The following BPIFB1 variants were observed in gnomAD, a reference collection of about 807,000 sequenced individuals.
BPIFB1 encodes the protein BPI fold-containing family B member 1.
A neutral mutation model predicts 55.1 loss-of-function variants in BPIFB1; 34 were observed. The ratio of observed to expected loss-of-function variants is 0.62; its 90% CI spans 0.47 to 0.82. The LOEUF (loss-of-function observed/expected upper bound fraction) is 0.82, where lower values mean the gene tolerates loss of function less well. BPIFB1 is among the 40% of genes least tolerant of loss of function. The pLI is 0.00. For synonymous variants in BPIFB1, 236 were observed against 245.3 expected (o/e 0.96, Z 0.35); for missense variants, 532 against 593.1 (o/e 0.90, Z 1.07).
chr20:33,303,139 C>G, intron 11 of BPIFB1, 65 bp downstream of exon 11: 1 of 1,580,984 alleles, frequency 6.3e-7, no homozygotes, highest in Non-Finnish European at 8.7e-7. Flanking sequence ...TTTTCCTGTT[C>G]GCCCTCTTGC....
Position 33,286,016 on chromosome 20 carries a change from C to T in BPIFB1, c.-41-17C>T, listed in dbSNP as rs952935950. 34 of 1,556,606 alleles carry T rather than the reference C, an allele frequency of 2.2e-5. No individual in the cohort carries two copies. In the African/African-American group the frequency reaches 3.9e-4, roughly 18 times the overall value. The stretch of plus-strand genomic sequence containing the variant: ...CCCTTGGCCCCTCTGCCTCAGGTCC[C>T]TCTGTGCTCACCCCAGGTCTGGCAT... On this transcript the variant is annotated splice_polypyrimidine_tract_variant and intron_variant, in intron 1 of 15. Coordinates refer to ENST00000253354, the MANE Select transcript of BPIFB1 (RefSeq NM_033197.3).
intron 4 of BPIFB1, among the ~76,000 whole-genome samples, 197 bp downstream of exon 4, chr20:33,290,189 G>A (rs1460969674): frequency 6.6e-6 from 1 of 152,210 alleles, no homozygotes; most frequent in Non-Finnish European, 1.5e-5. Flanking sequence ...AGGGGGCATG[G>A]TAGGAGATGA....
At chr20:33,291,339 TG>T (rs1049598335) in intron 5 of BPIFB1, among the ~76,000 whole-genome samples, 8 of 151,636 alleles carry the variant, frequency 5.3e-5, no homozygotes, top group Non-Finnish European at 1.2e-4. Flanking sequence ...CACCGGGAGG[TG>T]GGGCAAATCT....
At position 33,306,995 on chromosome 20, in the gene BPIFB1, G is replaced by T; in HGVS notation, c.1395+8G>T. ...GAGTCCTCACTGACCAAGGTGAGTG[G>T]GTGTGGCCCTAAACATCCTGCCCCA... On this transcript the variant is annotated splice_region_variant and intron_variant, in intron 15 of 15. Coordinates refer to ENST00000253354, the MANE Select transcript of BPIFB1 (RefSeq NM_033197.3). 1 of 1,612,912 alleles carries T rather than the reference G, an allele frequency of 6.2e-7. No individual in the cohort carries two copies. The highest frequency in any genetic ancestry group is 8.5e-7 in the Non-Finnish European group (1 of 1,178,818).
In BPIFB1 at chr20:33,306,039, A is replaced by G; in HGVS notation, c.1292A>G (p.His431Arg). 1 of 1,613,294 alleles carries G rather than the reference A, an allele frequency of 6.2e-7. No homozygotes were observed. The highest frequency in any genetic ancestry group is 2.2e-5 in the East Asian group (1 of 44,838). Residue 431 changes from histidine (H) to arginine (R), a missense_variant, in exon 14 of 16, where the codon CAC becomes CGC. Coordinates refer to ENST00000253354, the MANE Select transcript of BPIFB1 (RefSeq NM_033197.3). The part of the protein sequence containing the change: ...VLKNIITEII[H>R]SILLPNQNGK... ...AAAAACATCATCACTGAGATCATCC[A>G]CTCCATCCTGCTGCCGAACCAGAAT...
At chr20:33,301,446 C>T (rs770295584) in intron 9 of BPIFB1, 34 bp downstream of exon 9, 3 of 1,587,586 alleles carry the variant, frequency 1.9e-6, no homozygotes, top group Non-Finnish European at 2.6e-6. Context: ...AATAGGGCCG[C>T]CCAGGCCACA....
At chr20:33,304,365 C>G (rs1189786813) in intron 12 of BPIFB1, among the ~76,000 whole-genome samples, 1 of 152,230 alleles carries the variant, frequency 6.6e-6, no homozygotes, top group Non-Finnish European at 1.5e-5. Flanking sequence ...CCGCCACTTT[C>G]CTGTGGCCCC....
At chr20:33,308,255 C>T (rs1054257921) in intron 15 of BPIFB1, among the ~76,000 whole-genome samples, 2 of 152,202 alleles carry the variant, frequency 1.3e-5, no homozygotes, top group Admixed American at 6.5e-5. Context: ...AGCTTAGACC[C>T]CACCTCCAAC....
At chr20:33,288,587 C>T (rs1466821083) in intron 2 of BPIFB1, among the ~76,000 whole-genome samples, 154 bp from the exon 3 acceptor site, 1 of 152,206 alleles carries the variant, frequency 6.6e-6, no homozygotes, top group East Asian at 1.9e-4. Context: ...TGGGGACTGG[C>T]AGGCTGGTCC....
At chr20:33,291,853 G>A (rs1980482653) in intron 5 of BPIFB1, 54 bp from the exon 6 acceptor site, 1 of 1,500,738 alleles carries the variant, frequency 6.7e-7, no homozygotes, top group African/African-American at 1.4e-5. Context: ...AATAGAGGAA[G>A]GGGTGATCAT....
chr20:33,284,891 C>T (rs1832745972), intron 1 of BPIFB1, among the ~76,000 whole-genome samples: 2 of 151,178 alleles, frequency 1.3e-5, no homozygotes, highest in Admixed American at 1.3e-4. Context: ...CTCTTTCTCT[C>T]TCTCTCTCTC....
Position 33,288,866 on chromosome 20 carries a change from C to T in BPIFB1, c.241C>T (p.Leu81=). 1 of 1,613,660 alleles carries T rather than the reference C, an allele frequency of 6.2e-7. No homozygotes were observed. The highest frequency in any genetic ancestry group is 8.5e-7 in the Non-Finnish European group (1 of 1,179,966). The change falls in exon 3 of 16, where the codon CTG becomes TTG. Residue 81 remains leucine, a synonymous_variant. Coordinates refer to ENST00000253354, the MANE Select transcript of BPIFB1 (RefSeq NM_033197.3). Reference sequence around the variant, plus strand: ...GCTGGGCAGCCTGGTGAACACCGTCCTGAAGCACATCATCTGGTGAGTGGA... The same window carrying T: ...GCTGGGCAGCCTGGTGAACACCGTCTTGAAGCACATCATCTGGTGAGTGGA... The part of the protein sequence containing the change: ...PVLGSLVNTV[L]KHIIWLKVIT...
chr20:33,306,296 G>A (rs1007910241), intron 14 of BPIFB1, among the ~76,000 whole-genome samples: 1 of 152,202 alleles, frequency 6.6e-6, no homozygotes, highest in African/African-American at 2.4e-5. Context: ...AGGGCTGGAA[G>A]GAGACAGAGG....
At position 33,288,808 on chromosome 20, in the gene BPIFB1, C is replaced by T; in HGVS notation, c.183C>T (p.Ala61=). Residue 61 remains alanine, a synonymous_variant, in exon 3 of 16, where the codon GCC becomes GCT. Transcript: ENST00000253354. ...TGCAGCAGCTGCCGCTGCTCAGTGCCATGCGGGAAAAGCCAGCCGGAGGCA... is the reference window on the plus strand; with the variant it reads ...TGCAGCAGCTGCCGCTGCTCAGTGCTATGCGGGAAAAGCCAGCCGGAGGCA... ...SILQQLPLLS[A]MREKPAGGIP... 1.2e-6 allele frequency: 2 copies of T among 1,614,038 alleles called. No homozygotes were observed. Among genetic ancestry groups the T allele is most frequent in the Non-Finnish European group, 1.7e-6 (2 of 1,180,032 alleles).
chr20:33,291,517 G>C (rs1980471832), intron 5 of BPIFB1, among the ~76,000 whole-genome samples: 1 of 152,226 alleles, frequency 6.6e-6, no homozygotes. Context: ...CCCGTAAAGT[G>C]CAGGTAATGA....
intron 10 of BPIFB1, chr20:33,302,644 C>G (rs1194101060): frequency 1.6e-6 from 1 of 631,704 alleles, no homozygotes; most frequent in Non-Finnish European, 2.8e-6. Context: ...GTTCTAGGGG[C>G]CATGAGAACA....
At chr20:33,302,480 G>C (rs536914046) in intron 10 of BPIFB1, 68 bp downstream of exon 10, 8 of 1,538,724 alleles carry the variant, frequency 5.2e-6, no homozygotes, top group Non-Finnish European at 6.3e-6. Context: ...CTCTGGGGAG[G>C]AGAATCTAGT....
intron 11 of BPIFB1, among the ~76,000 whole-genome samples, chr20:33,303,304 G>A (rs774330537): frequency 6.6e-6 from 1 of 152,126 alleles, no homozygotes; most frequent in Non-Finnish European, 1.5e-5. Flanking sequence ...TGCACAAAAG[G>A]AATTGTATTA....
intron 5 of BPIFB1, 73 bp from the exon 6 acceptor site, chr20:33,291,834 C>A (rs1305172822): frequency 2.9e-6 from 4 of 1,397,006 alleles, no homozygotes; most frequent in East Asian, 2.3e-5. Flanking sequence ...TCAGCCTCCC[C>A]CTCTGTAAAA....
Sources: allele counts gnomAD v4.1 joint callset (sites outside exome capture counted in the v4.1 genomes callset), GRCh38; gene constraint gnomAD v4.1.1; transcripts MANE v1.5; gene names NCBI Gene and HGNC (gene_info 2026-07-23, HGNC 2026-07-21).